The following MVK variants were observed in gnomAD, a reference collection of about 807,000 sequenced individuals.
MVK encodes mevalonate kinase.
A neutral mutation model predicts 43.2 loss-of-function variants in MVK; 34 were observed. The ratio of observed to expected loss-of-function variants is 0.79; its 90% CI spans 0.60 to 1.05. The LOEUF is 1.05. Among genes scored for constraint, MVK ranks in the 50% least tolerant of loss-of-function variants. The pLI, the probability that MVK is intolerant of heterozygous loss-of-function variation, is 0.00. For missense variants in MVK, 395 were observed against 504.0 expected, an observed-to-expected ratio of 0.78 and a Z score of 2.07; for synonymous variants, 190 against 219.8, an observed-to-expected ratio of 0.86 and a Z score of 1.20.
chr12:109,597,676 C>A lies in MVK; in HGVS notation c.*1099C>A, dbSNP rs529385941. The A allele has an allele frequency of 6.6e-6, 1 of 152,240 alleles. No individual in the cohort carries two copies. Among genetic ancestry groups the A allele is most frequent in the Admixed American group, 6.5e-5 (1 of 15,282 alleles). The allele number at this position is 152,240 out of a possible 1,614,324, so 9.4% of individuals were successfully genotyped here. On this transcript the variant is annotated 3_prime_UTR_variant, in exon 11 of 11. Coordinates refer to ENST00000228510, the MANE Select transcript of MVK (RefSeq NM_000431.4). ...TCCCCACCCCCGCCCCCCACCGGCCCTATTTGAACTTTATATTGCAGTCAG... is the reference window on the plus strand; with the variant it reads ...TCCCCACCCCCGCCCCCCACCGGCCATATTTGAACTTTATATTGCAGTCAG...
intron 5 of MVK, among the ~76,000 whole-genome samples, chr12:109,584,850 A>T (rs1039691712): frequency 2.6e-5 from 4 of 152,136 alleles, no homozygotes; most frequent in African/African-American, 4.8e-5. Flanking sequence ...GTGCCACAGC[A>T]CTCCAGCCTG....
intron 5 of MVK, among the ~76,000 whole-genome samples, chr12:109,585,596 C>T (rs1400140904): frequency 2.6e-5 from 4 of 152,042 alleles, no homozygotes; most frequent in South Asian, 2.1e-4. Context: ...GGTGAAACCC[C>T]GTCTCTACTA....
intron 7 of MVK, chr12:109,590,476 C>T (rs1885617529): frequency 2.1e-6 from 1 of 466,836 alleles, no homozygotes; most frequent in East Asian, 4.3e-5. Flanking sequence ...CCCCTATCCC[C>T]TCTCTGGCCC....
chr12:109,587,854 G>T (rs868090689), intron 7 of MVK: 1 of 152,256 alleles, frequency 6.6e-6, no homozygotes, highest in Non-Finnish European at 1.5e-5. Flanking sequence ...TTTGGGGCTG[G>T]GTTATTCTTT....
chr12:109,584,802 T>G (rs1241827353), intron 5 of MVK, among the ~76,000 whole-genome samples: 1 of 152,146 alleles, frequency 6.6e-6, no homozygotes, highest in East Asian at 1.9e-4. Flanking sequence ...GGAGAATCGC[T>G]TGAACCCAGG....
At chr12:109,578,258 A>G (rs947319057) in intron 3 of MVK, among the ~76,000 whole-genome samples, 5 of 147,148 alleles carry the variant, frequency 3.4e-5, no homozygotes, top group African/African-American at 1.3e-4. Context: ...AGTAATAAAC[A>G]TTGAACTTTT....
At chr12:109,579,633 C>G (rs1351502504) in intron 3 of MVK, among the ~76,000 whole-genome samples, 169 bp from the exon 4 acceptor site, 1 of 152,230 alleles carries the variant, frequency 6.6e-6, no homozygotes, top group African/African-American at 2.4e-5. Flanking sequence ...GACTCAAACC[C>G]AAGTCTGCCT....
chr12:109,595,035 T>C lies in MVK; in HGVS notation c.893T>C (p.Ile298Thr), dbSNP rs775702104. Residue 298 changes from isoleucine to threonine, a missense_variant, in exon 10 of 11, where the codon ATT becomes ACT. Ile to Thr is a moderately conservative substitution (Grantham distance 89, BLOSUM62 -1). Coordinates refer to ENST00000228510, the MANE Select transcript of MVK (RefSeq NM_000431.4). The surrounding 1 kb of genome is among the most constrained non-coding windows in gnomAD (Gnocchi z 5.9). ...TGGAACCTTCTCCCCTAGGAGCTCA[T>C]TGACATGAACCAGCACCATCTGAAT... The part of the protein sequence containing the change: ...PEQYLVLEEL[I>T]DMNQHHLNAL... 1.2e-6 allele frequency: 2 copies of C among 1,614,174 alleles called. No homozygotes were observed. Among genetic ancestry groups the C allele is most frequent in the Admixed American group, 3.3e-5 (2 of 60,034 alleles).
chr12:109,577,421 A>G (rs1277230062), intron 3 of MVK, among the ~76,000 whole-genome samples: 1 of 152,138 alleles, frequency 6.6e-6, no homozygotes, highest in Non-Finnish European at 1.5e-5. Context: ...CCCATTCCCC[A>G]TGAGAAACCA....
In MVK at chr12:109,595,261, A is replaced by G. The variant is rs1225666694; in HGVS notation, c.1039+80A>G. 4.1e-5 allele frequency: 65 copies of G among 1,576,958 alleles called. No homozygotes were observed. Among genetic ancestry groups the G allele is most frequent in the Non-Finnish European group, 5.2e-5 (60 of 1,162,518 alleles). ...ACCTGGAGAATTCCCTTGAAAGGAA[A>G]AAGAGACCTGGAAACAGGTCTCAGC... On this transcript the variant is annotated intron_variant, in intron 10 of 10. Coordinates refer to ENST00000228510, the MANE Select transcript of MVK (RefSeq NM_000431.4). The surrounding 1 kb of genome is among the most constrained non-coding windows in gnomAD (Gnocchi z 5.9).
intron 9 of MVK, among the ~76,000 whole-genome samples, chr12:109,592,714 C>G (rs866145969): frequency 6.6e-6 from 1 of 152,158 alleles, no homozygotes; most frequent in Admixed American, 6.5e-5. Context: ...AGTGAGTGGC[C>G]GAGCCAGGGG....
At chr12:109,594,920 G>A in intron 9 of MVK, 108 bp from the exon 10 acceptor site, 1 of 1,417,616 alleles carries the variant, frequency 7.1e-7, no homozygotes. Flanking sequence ...AAAGCCGTTG[G>A]CTGTCTCCAG....
intron 7 of MVK, among the ~76,000 whole-genome samples, chr12:109,587,562 G>A (rs1353493465): frequency 6.6e-6 from 1 of 152,198 alleles, no homozygotes; most frequent in Non-Finnish European, 1.5e-5. Context: ...GTGGGGTGGT[G>A]TTTGTCCCAG....
At chr12:109,573,771 C>G (rs1169651289), upstream of MVK, 12 of 465,952 alleles carry the variant, frequency 2.6e-5, no homozygotes, top group African/African-American at 2.0e-4. Flanking sequence ...AAGTACAACG[C>G]CTCCTCCCCT....
intron 5 of MVK, among the ~76,000 whole-genome samples, chr12:109,584,371 T>G (rs559137943): frequency 6.6e-6 from 1 of 152,284 alleles, no homozygotes; most frequent in East Asian, 1.9e-4. Flanking sequence ...AAGTAAGTGA[T>G]TGAACCAGGC....
Position 109,596,833 on chromosome 12 carries a change from G to A in MVK, c.*256G>A, listed in dbSNP as rs895586249. On this transcript the variant is annotated 3_prime_UTR_variant, in exon 11 of 11. Coordinates refer to ENST00000228510, the MANE Select transcript of MVK (RefSeq NM_000431.4). Reference sequence around the variant, plus strand: ...TCCTCTGAGACTCCAGACCTGAGGCGAGAAGGGCTGCTTCCCTGAAGCTCC... The same window carrying A: ...TCCTCTGAGACTCCAGACCTGAGGCAAGAAGGGCTGCTTCCCTGAAGCTCC... 8.7e-6 allele frequency: 5 copies of A among 571,490 alleles called. No individual in the cohort carries two copies. Among genetic ancestry groups the A allele is most frequent in the Non-Finnish European group, 1.6e-5 (5 of 320,808 alleles). The allele number at this position is 571,490 out of a possible 1,614,324, so 35.4% of individuals were successfully genotyped here. A position where few individuals can be genotyped will look rare whatever the true frequency, so the allele number is the denominator to read the frequency against.
intron 6 of MVK, 122 bp downstream of exon 6, chr12:109,586,247 G>A (rs557007872): frequency 4.7e-6 from 4 of 856,562 alleles, no homozygotes; most frequent in East Asian, 2.7e-5. Context: ...GGAAAAAATA[G>A]CATTTTCCTA....
At chr12:109,587,498 G>A (rs1309350912) in intron 7 of MVK, among the ~76,000 whole-genome samples, 1 of 152,254 alleles carries the variant, frequency 6.6e-6, no homozygotes, top group Non-Finnish European at 1.5e-5. Flanking sequence ...TGAAACGCAT[G>A]GCAGAGGGGA....
rs527367603 is a variant in MVK at position 109,593,969 on chromosome 12, C to T, written c.886-1059C>T. Among the ~76,000 whole-genome samples, 10 of 151,988 alleles carry T rather than the reference C, an allele frequency of 6.6e-5. No individual in the cohort carries two copies. The East Asian group carries it at 7.8e-4, about 12-fold the overall frequency. On this transcript the variant is annotated intron_variant, in intron 9 of 10. Coordinates refer to ENST00000228510, the MANE Select transcript of MVK (RefSeq NM_000431.4). Reference sequence around the variant, plus strand: ...CTGACCTCAAGTGATCCACCCGCCTCGACCTCCCAAAGTGCTGGGATTAAA... The same window carrying T: ...CTGACCTCAAGTGATCCACCCGCCTTGACCTCCCAAAGTGCTGGGATTAAA...
Sources: gnomAD v4.1 joint callset for allele counts (sites outside exome capture counted in the v4.1 genomes callset) on GRCh38, gnomAD v4.1.1 for gene constraint, Gnocchi (gnomAD v3.1) non-coding constraint, MANE v1.5 for transcripts, NCBI Gene and HGNC (gene_info 2026-07-23, HGNC 2026-07-21) for gene names.